SNX7: variants seen among roughly 807,000 people sequenced by gnomAD.
The protein encoded by SNX7 is sorting nexin-7.
Under a neutral mutation model 48.4 loss-of-function variants are expected in SNX7, and 35 were observed. The ratio of observed to expected loss-of-function variants is 0.72; its 90% confidence interval spans 0.55 to 0.96. The LOEUF is 0.96. SNX7 is among the 40% of genes least tolerant of loss of function. The pLI is 0.00. For synonymous variants in SNX7, 190 were observed against 190.2 expected (o/e 1.00, Z 0.01); for missense variants, 553 against 548.9 (o/e 1.01, Z -0.07).
chr1:98,746,558 C>G (rs1470352938), intron 8 of SNX7, among the ~76,000 whole-genome samples: 1 of 152,048 alleles, frequency 6.6e-6, no homozygotes, highest in Non-Finnish European at 1.5e-5. Context: ...CTCTAGAAAA[C>G]AGGGAAAACA....
At chr1:98,689,732 C>A (rs544030598) in intron 2 of SNX7, among the ~76,000 whole-genome samples, 165 of 152,194 alleles carry the variant, frequency 1.1e-3, no homozygotes, top group Non-Finnish European at 1.2e-3. Flanking sequence ...TACTCTAAAC[C>A]ATGTTTTGGG....
intron 1 of SNX7, among the ~76,000 whole-genome samples, chr1:98,680,027 G>A (rs1650391345): frequency 6.6e-6 from 1 of 152,208 alleles, no homozygotes; most frequent in Non-Finnish European, 1.5e-5. Flanking sequence ...TGCCCTAGCA[G>A]AGGTTCTCCA....
At chr1:98,700,958 C>T (rs1269966581) in intron 6 of SNX7, among the ~76,000 whole-genome samples, 1 of 151,894 alleles carries the variant, frequency 6.6e-6, no homozygotes, top group Non-Finnish European at 1.5e-5. Flanking sequence ...TTATTTTTTC[C>T]TTAACCTGTT....
chr1:98,727,304 G>GA (rs1358746267), intron 7 of SNX7, among the ~76,000 whole-genome samples: 2 of 152,024 alleles, frequency 1.3e-5, no homozygotes, highest in Non-Finnish European at 2.9e-5. Context: ...ACTGTTAAAA[G>GA]AAAAACAAAC....
chr1:98,749,653 T>G (rs529112331), intron 8 of SNX7, among the ~76,000 whole-genome samples: 33 of 152,238 alleles, frequency 2.2e-4, no homozygotes, highest in African/African-American at 7.2e-4. Flanking sequence ...TCCAGATTGA[T>G]TACATTTCAG....
At chr1:98,705,414 T>C (rs1192298913) in intron 7 of SNX7, among the ~76,000 whole-genome samples, 1 of 152,174 alleles carries the variant, frequency 6.6e-6, no homozygotes, top group Non-Finnish European at 1.5e-5. Flanking sequence ...CATTTTATCA[T>C]GTATAGGTTG....
chr1:98,740,790 A>G (rs958381746), intron 8 of SNX7, among the ~76,000 whole-genome samples: 9 of 152,142 alleles, frequency 5.9e-5, no homozygotes, highest in Non-Finnish European at 1.3e-4. Flanking sequence ...CTCTTTCCCC[A>G]AGTGTACTAC....
intron 8 of SNX7, among the ~76,000 whole-genome samples, chr1:98,745,067 C>T (rs1447151267): frequency 6.6e-6 from 1 of 152,042 alleles, no homozygotes; most frequent in Non-Finnish European, 1.5e-5. Flanking sequence ...CTAATACTTG[C>T]TCAACCCTTT....
intron 7 of SNX7, among the ~76,000 whole-genome samples, chr1:98,721,927 C>A (rs577748590): frequency 6.6e-6 from 1 of 152,010 alleles, no homozygotes; most frequent in African/African-American, 2.4e-5. Context: ...CTGATAGAAG[C>A]ACCTAGAAAG....
At chr1:98,687,224 G>T (rs1348204661) in intron 2 of SNX7, among the ~76,000 whole-genome samples, 1 of 151,966 alleles carries the variant, frequency 6.6e-6, no homozygotes, top group Non-Finnish European at 1.5e-5. Context: ...CTTGTTAAAG[G>T]TTACACAACA....
chr1:98,672,248 T>C (rs904271798), intron 1 of SNX7, among the ~76,000 whole-genome samples: 2 of 152,024 alleles, frequency 1.3e-5, no homozygotes, highest in African/African-American at 4.8e-5. Flanking sequence ...GTTCCACATA[T>C]CTTCTTCATT....
chr1:98,760,443 G>A lies in SNX7; in HGVS notation c.*312G>A, dbSNP rs1655054980. 4.7e-6 allele frequency: 1 copy of A among 214,490 alleles called. No individual in the cohort carries two copies. Among genetic ancestry groups the A allele is most frequent in the Non-Finnish European group, 9.3e-6 (1 of 107,496 alleles). The allele number at this position is 214,490 out of a possible 1,614,324, so 13.3% of individuals were successfully genotyped here. A position where few individuals can be genotyped will look rare whatever the true frequency, so the allele number is the denominator to read the frequency against. On this transcript the variant is annotated 3_prime_UTR_variant, in exon 9 of 9. Coordinates refer to ENST00000306121, the MANE Select transcript of SNX7 (RefSeq NM_015976.5). Reference sequence around the variant, plus strand: ...TTTTTTTTCTTAAATATTTGACTGTGGAACATGCCATTTTAAATATGTTGT... The same window carrying A: ...TTTTTTTTCTTAAATATTTGACTGTAGAACATGCCATTTTAAATATGTTGT...
intron 7 of SNX7, among the ~76,000 whole-genome samples, chr1:98,720,396 T>G (rs1652801707): frequency 1.3e-5 from 2 of 152,078 alleles, no homozygotes; most frequent in African/African-American, 4.8e-5. Flanking sequence ...TTATAAAATA[T>G]TACCTCATTT....
chr1:98,752,386 G>T (rs942742532), intron 8 of SNX7, among the ~76,000 whole-genome samples: 4 of 151,860 alleles, frequency 2.6e-5, no homozygotes, highest in African/African-American at 4.8e-5. Flanking sequence ...TTAAACATTG[G>T]TGGAAACAGG....
Position 98,717,824 on chromosome 1 carries a change from T to C in SNX7, c.1125+15921T>C, listed in dbSNP as rs556636320. 2.0e-5 allele frequency among the ~76,000 whole-genome samples: 3 copies of C among 152,158 alleles called. No individual in the cohort carries two copies. The East Asian group carries it at 5.8e-4, about 29-fold the overall frequency. ...GAGAGGGTAAGAGGCATTTTCAAAA[T>C]ACACAAAATTACAAAGATAGTGTCC... On this transcript the variant is annotated intron_variant, in intron 7 of 8. Coordinates refer to ENST00000306121, the MANE Select transcript of SNX7 (RefSeq NM_015976.5).
chr1:98,701,620 T>G (rs926491592), intron 6 of SNX7, among the ~76,000 whole-genome samples, 197 bp from the exon 7 acceptor site: 1 of 150,908 alleles, frequency 6.6e-6, no homozygotes, highest in Non-Finnish European at 1.5e-5. Context: ...AAAAAAACCC[T>G]CTTAAATACT....
chr1:98,698,707 A>C lies in SNX7; in HGVS notation c.840A>C (p.Glu280Asp). 1.9e-6 allele frequency: 3 copies of C among 1,595,594 alleles called. No individual in the cohort carries two copies. Among genetic ancestry groups the C allele is most frequent in the Non-Finnish European group, 2.6e-6 (3 of 1,172,696 alleles). ...ISQRIYKEEREYFDEMKEYGP... is the reference protein window; with the variant it reads ...ISQRIYKEERDYFDEMKEYGP... ...TATTAAGTCTTTTTTTTTTTTTAGA[A>C]TATTTTGATGAAATGAAAGAATATG... The change falls in exon 6 of 9, where the codon GAA becomes GAC. Residue 280 changes from glutamate (E) to aspartate (D), a missense_variant and splice_region_variant. Physicochemically the swap from Glu to Asp is conservative, Grantham distance 45. Transcript: ENST00000306121.
intron 7 of SNX7, among the ~76,000 whole-genome samples, chr1:98,727,907 C>T (rs1021481135): frequency 7.2e-5 from 11 of 151,740 alleles, no homozygotes; most frequent in Admixed American, 7.2e-4. Flanking sequence ...AAACCTATGA[C>T]TGTTTGTGGT....
chr1:98,703,450 T>A (rs1651852841), intron 7 of SNX7, among the ~76,000 whole-genome samples: 1 of 152,050 alleles, frequency 6.6e-6, no homozygotes, highest in Non-Finnish European at 1.5e-5. Context: ...TTCTGTTCTC[T>A]CCAGTGGAAT....
Sources: allele counts gnomAD v4.1 joint callset (sites outside exome capture counted in the v4.1 genomes callset), GRCh38; gene constraint gnomAD v4.1.1; transcripts MANE v1.5; gene names NCBI Gene and HGNC (gene_info 2026-07-23, HGNC 2026-07-21).